Variants in FBXO44 observed in about 807,000 individuals in gnomAD.
FBXO44 encodes the protein F-box only protein 44.
Under a neutral mutation model 33.5 loss-of-function variants are expected in FBXO44, and 25 were observed. The observed-to-expected ratio is 0.75, with a 90% CI of 0.54 to 1.04. The LOEUF is 1.04. Ranked by LOEUF, FBXO44 falls within the 50% of genes least tolerant of loss-of-function variation. FBXO44 has a pLI of 0.00. For missense variants in FBXO44, 311 were observed against 344.0 expected, an observed-to-expected ratio of 0.90 and a Z score of 0.76; for synonymous variants, 147 against 152.8, an observed-to-expected ratio of 0.96 and a Z score of 0.28.
intron 2 of FBXO44, 150 bp downstream of exon 2, chr1:11,656,250 C>T (rs1181649762): frequency 1.9e-6 from 2 of 1,065,118 alleles, no homozygotes; most frequent in African/African-American, 1.6e-5. Context: ...ACTGTTAGTG[C>T]ACACATTTTT....
intron 5 of FBXO44, among the ~76,000 whole-genome samples, chr1:11,659,976 G>C (rs546794775): frequency 6.6e-6 from 1 of 152,182 alleles, no homozygotes; most frequent in African/African-American, 2.4e-5. Context: ...AACAGGCAGT[G>C]GGCCTGCAGG....
At chr1:11,659,685 G>T (rs1337287477) in intron 5 of FBXO44, among the ~76,000 whole-genome samples, 1 of 152,046 alleles carries the variant, frequency 6.6e-6, no homozygotes, top group African/African-American at 2.4e-5. Context: ...TTGTAGAGAT[G>T]GAGTTTTGCT....
intron 3 of FBXO44, 38 bp from the exon 4 acceptor site, chr1:11,658,495 G>A (rs779589599): frequency 9.3e-6 from 15 of 1,609,058 alleles, no homozygotes; most frequent in Middle Eastern, 4.0e-4. Flanking sequence ...TGCCCTAGTG[G>A]TGAGCCCAGC....
chr1:11,658,488 C>T (rs1262801495), intron 3 of FBXO44, 45 bp from the exon 4 acceptor site: 2 of 1,608,984 alleles, frequency 1.2e-6, no homozygotes, highest in Non-Finnish European at 1.7e-6. Flanking sequence ...CCCTCACTGC[C>T]CTAGTGGTGA....
chr1:11,658,754 T>C lies in FBXO44; in HGVS notation c.507T>C (p.Asp169=). ...EVKDWFAARP[D]CGSKYQLCVQ... is the part of the protein sequence containing the mutation. ...CCTGCAGGTTCGCAGCCAGGCCAGA[T>C]TGCGGGTCCAAGTACCAGCTGTGCG... The change falls in exon 5 of 6, where the codon GAT becomes GAC. Residue 169 remains aspartate, a synonymous_variant. Transcript: ENST00000251547. 11 of 1,613,890 alleles carry C rather than the reference T, an allele frequency of 6.8e-6. No individual in the cohort carries two copies. Among genetic ancestry groups the C allele is most frequent in the Non-Finnish European group, 9.3e-6 (11 of 1,179,942 alleles).
chr1:11,656,034 G>A lies in FBXO44; in HGVS notation c.199G>A (p.Asp67Asn), dbSNP rs11543215. ...ITEDWDQPVADWKIFYFLRSL... is the reference protein window; with the variant it reads ...ITEDWDQPVANWKIFYFLRSL... ...TGAGGACTGGGACCAGCCCGTGGCC[G>A]ACTGGAAGATCTTCTACTTCTTACG... Residue 67 changes from aspartate (D) to asparagine (N), a missense_variant, in exon 2 of 6, where the codon GAC (aspartate) becomes AAC (asparagine). Asp to Asn is a conservative substitution (Grantham distance 23). Coordinates refer to ENST00000251547, the MANE Select transcript of FBXO44 (RefSeq NM_033182.7). The A allele has an allele frequency of 5.0e-6, 8 of 1,614,026 alleles. No homozygotes were observed. Among genetic ancestry groups the A allele is most frequent in the Middle Eastern group, 1.6e-4 (1 of 6,084 alleles).
At chr1:11,660,646 C>G (rs182664097) in intron 5 of FBXO44, among the ~76,000 whole-genome samples, 93 of 152,236 alleles carry the variant, frequency 6.1e-4, no homozygotes, top group African/African-American at 2.2e-3. Context: ...TTGGTCTGTC[C>G]CAAATCACAG....
chr1:11,657,104 G>T (rs1409782473), intron 2 of FBXO44, among the ~76,000 whole-genome samples: 1 of 152,164 alleles, frequency 6.6e-6, no homozygotes, highest in Non-Finnish European at 1.5e-5. Flanking sequence ...GGAGCAAAAT[G>T]ATAATAAAAC....
chr1:11,658,326 C>T lies in FBXO44; in HGVS notation c.325C>T (p.Leu109Phe). 1.2e-6 allele frequency: 2 copies of T among 1,613,202 alleles called. No homozygotes were observed. The highest frequency in any genetic ancestry group is 1.7e-6 in the Non-Finnish European group (2 of 1,179,746). Residue 109 changes from leucine to phenylalanine, a missense_variant, in exon 3 of 6, where the codon CTC becomes TTC. By Grantham distance (22) the Leu-to-Phe change is conservative (BLOSUM62 0). Transcript: ENST00000251547. The part of the protein sequence containing the change: ...NGGDEWKVED[L>F]SRDQRKEFPN... Reference sequence around the variant, plus strand: ...AGGCGATGAGTGGAAGGTGGAGGATCTCTCTCGAGACCAGAGGAAGGAATT... The same window carrying T: ...AGGCGATGAGTGGAAGGTGGAGGATTTCTCTCGAGACCAGAGGAAGGAATT...
Position 11,656,518 on chromosome 1 carries a change from A to G in FBXO44, c.265+418A>G, listed in dbSNP as rs182629574. On this transcript the variant is annotated intron_variant, in intron 2 of 5. Transcript: ENST00000251547. ...GCTCTGTTGCCCAAGCTGGAGTGCA[A>G]TGGTGCGATCTCGGCTCACTGCAAC... Among the ~76,000 whole-genome samples the G allele has an allele frequency of 2.3e-3, 345 of 149,854 alleles. 1 individual carries two copies. Among genetic ancestry groups the G allele is most frequent in the African/African-American group, 8.0e-3 (323 of 40,582 alleles).
At chr1:11,659,334 C>T (rs141349551) in intron 5 of FBXO44, among the ~76,000 whole-genome samples, 28 of 152,100 alleles carry the variant, frequency 1.8e-4, no homozygotes, top group Non-Finnish European at 3.4e-4. Context: ...GCCGAGATCG[C>T]GCCATTGCAC....
rs60133415 is a variant in FBXO44, at chr1:11,662,954, CTTTT to C, written c.*1698_*1701del. ...GTAAGTTCCTTTTTTCTTTTCTTTT[CTTTT>C]TTTTTTTTTTTTTTTTGAGATGGAG... On this transcript the variant is annotated 3_prime_UTR_variant, in exon 6 of 6. Transcript: ENST00000251547. The C allele has an allele frequency of 0.51, 64,641 of 126,034 alleles. 15,707 individuals carry two copies. Among genetic ancestry groups the C allele is most frequent in the African/African-American group, 0.6 (18,377 of 30,602 alleles). The allele number at this position is 126,034 out of a possible 1,614,324, so 7.8% of individuals were successfully genotyped here.
chr1:11,660,636 T>C (rs1043541533), intron 5 of FBXO44, among the ~76,000 whole-genome samples: 2 of 152,170 alleles, frequency 1.3e-5, no homozygotes, highest in Admixed American at 6.5e-5. Flanking sequence ...GAGAAAGGAA[T>C]TGGTCTGTCC....
intron 2 of FBXO44, 119 bp from the exon 3 acceptor site, chr1:11,658,148 A>G: frequency 3.3e-6 from 5 of 1,536,208 alleles, no homozygotes; most frequent in Non-Finnish European, 4.4e-6. Flanking sequence ...AGCGTCCCAC[A>G]GCACAGGGCT....
rs1331228114 is a variant in FBXO44 at position 11,662,235 on chromosome 1, T to C, written c.*962T>C. 6.6e-6 allele frequency: 1 copy of C among 151,902 alleles called. No homozygotes were observed. The highest frequency in any genetic ancestry group is 1.5e-5 in the Non-Finnish European group (1 of 68,012). 9.4% of individuals were successfully genotyped at this position (151,902 alleles called of 1,614,324 possible). A position where few individuals can be genotyped will look rare whatever the true frequency, so the allele number is the denominator to read the frequency against. ...TCTTGTCCTGCTGGAAAGATAGCAG[T>C]GTTCTCCTGACTTCGCCCTACTGCA... is the stretch of plus-strand genomic sequence containing the variant. On this transcript the variant is annotated 3_prime_UTR_variant, in exon 6 of 6. Coordinates refer to ENST00000251547, the MANE Select transcript of FBXO44 (RefSeq NM_033182.7).
chr1:11,658,116 C>A, intron 2 of FBXO44, 151 bp from the exon 3 acceptor site: 3 of 1,264,724 alleles, frequency 2.4e-6, no homozygotes, highest in Admixed American at 2.4e-5. Flanking sequence ...GCACCTAATA[C>A]GCGGTGGGCA....
At chr1:11,657,133 A>C (rs1366652066) in intron 2 of FBXO44, among the ~76,000 whole-genome samples, 1 of 152,354 alleles carries the variant, frequency 6.6e-6, no homozygotes, top group East Asian at 1.9e-4. Context: ...CAAGCTGTGC[A>C]TGAGCCAAAT....
At position 11,658,400 on chromosome 1, in the gene FBXO44, TC is replaced by T. The variant is rs1290427468; in HGVS notation, c.392+9del. On this transcript the variant is annotated splice_region_variant and intron_variant, in intron 3 of 5. Coordinates refer to ENST00000251547, the MANE Select transcript of FBXO44 (RefSeq NM_033182.7). ...ACTTCGTTACTTCATATTAGTAAGA[TC>T]CGGGGACTTGGGGTAGGGGAAAGCC... 3.1e-6 allele frequency: 5 copies of T among 1,613,796 alleles called. No individual in the cohort carries two copies. Among genetic ancestry groups the T allele is most frequent in the East Asian group, 2.2e-5 (1 of 44,854 alleles).
Position 11,658,938 on chromosome 1 carries a change from C to A in FBXO44, c.624+67C>A, listed in dbSNP as rs1640011026. ...AGGCTGAGGCTGTGGTCAGACGGGG[C>A]CTAGGTTCAGATCCAAGCTCTGCAC... On this transcript the variant is annotated intron_variant, in intron 5 of 5. Transcript: ENST00000251547. 1.9e-6 allele frequency: 3 copies of A among 1,581,454 alleles called. No individual in the cohort carries two copies. In the Admixed American group the frequency reaches 5.1e-5, roughly 27 times the overall value.
Sources: allele counts gnomAD v4.1 joint callset (sites outside exome capture counted in the v4.1 genomes callset), GRCh38; gene constraint gnomAD v4.1.1; transcripts MANE v1.5; gene names NCBI Gene and HGNC (gene_info 2026-07-23, HGNC 2026-07-21).